PRKD1: variants seen among roughly 807,000 people sequenced by gnomAD.
The protein encoded by PRKD1 is protein kinase D1.
In PRKD1, 63 loss-of-function variants were observed where a neutral mutation model predicts 95.9. The ratio of observed to expected loss-of-function variants is 0.66; its 90% CI spans 0.54 to 0.81. The LOEUF (loss-of-function observed/expected upper bound fraction) is 0.81. PRKD1 is among the 30% of genes least tolerant of loss of function. The pLI is 0.00. For synonymous variants in PRKD1, 425 were observed against 423.1 expected (o/e 1.00, Z -0.05); for missense variants, 1,048 against 1,165.3 (o/e 0.90, Z 1.47).
At chr14:29,905,756 C>T (rs1282022305) in intron 1 of PRKD1, among the ~76,000 whole-genome samples, 1 of 152,110 alleles carries the variant, frequency 6.6e-6, no homozygotes, top group Non-Finnish European at 1.5e-5. Context: ...GCTTACAGCA[C>T]GCAACTGTTT....
At chr14:29,898,035 T>C (rs1477061965) in intron 1 of PRKD1, among the ~76,000 whole-genome samples, 2 of 152,086 alleles carry the variant, frequency 1.3e-5, no homozygotes, top group African/African-American at 2.4e-5. Context: ...ATCCTAAAAA[T>C]TACAAATTGT....
chr14:29,630,771 G>A lies in PRKD1; in HGVS notation c.1643C>T (p.Ser548Phe). The change falls in exon 10 of 18, where the codon TCC becomes TTC. Residue 548 changes from serine to phenylalanine, a missense_variant. Ser to Phe is a radical substitution (Grantham distance 155). This residue lies in a region of PRKD1 where 739 missense variants were observed against 861.9 expected (regional missense o/e 0.86). Coordinates refer to ENST00000331968, the MANE Select transcript of PRKD1 (RefSeq NM_002742.3). ...CAAGTTGGTTCCTGTACCCACGGAG[G>A]AGCCCTTGGGAATGACGGGCATAAG... ...HALMPVIPKG[S>F]SVGTGTNLHR... 6.2e-7 allele frequency: 1 copy of A among 1,614,058 alleles called. No homozygotes were observed. Among genetic ancestry groups the A allele is most frequent in the Non-Finnish European group, 8.5e-7 (1 of 1,179,970 alleles).
intron 1 of PRKD1, among the ~76,000 whole-genome samples, chr14:29,731,880 T>A (rs78493852): frequency 5.8e-4 from 88 of 151,782 alleles, no homozygotes; most frequent in Non-Finnish European, 1.1e-3. Context: ...TTTTTTTTTT[T>A]TTTTTTTTTT....
At chr14:29,648,071 C>T (rs946435120) in intron 4 of PRKD1, among the ~76,000 whole-genome samples, 4 of 152,168 alleles carry the variant, frequency 2.6e-5, no homozygotes, top group African/African-American at 9.7e-5. Context: ...AGAGACCTTA[C>T]AAAATATGTG....
intron 1 of PRKD1, among the ~76,000 whole-genome samples, chr14:29,805,226 C>T (rs1890187426): frequency 6.6e-6 from 1 of 152,214 alleles, no homozygotes; most frequent in Non-Finnish European, 1.5e-5. Context: ...AGATGTTGAA[C>T]TCCATTAGAT....
At chr14:29,739,590 G>A (rs1886893262) in intron 1 of PRKD1, among the ~76,000 whole-genome samples, 1 of 152,164 alleles carries the variant, frequency 6.6e-6, no homozygotes, top group African/African-American at 2.4e-5. Flanking sequence ...TTTTGAATGT[G>A]AAATGGCAGA....
intron 1 of PRKD1, among the ~76,000 whole-genome samples, chr14:29,873,128 C>G (rs533746207): frequency 6.6e-6 from 1 of 152,206 alleles, no homozygotes; most frequent in East Asian, 1.9e-4. Context: ...CTCTATCACC[C>G]AGGCTGGAGT....
intron 2 of PRKD1, among the ~76,000 whole-genome samples, chr14:29,710,290 T>A (rs571374914): frequency 2.4e-4 from 36 of 152,078 alleles, no homozygotes; most frequent in Non-Finnish European, 5.0e-4. Flanking sequence ...ATAGAAACTG[T>A]ACAGTGGAGA....
chr14:29,597,665 C>T lies in PRKD1; in HGVS notation c.2260G>A (p.Val754Ile), dbSNP rs1324185580. The change falls in exon 16 of 18, where the codon GTC (valine) becomes ATC (isoleucine). Residue 754 changes from valine to isoleucine, a missense_variant. Physicochemically the swap from Val to Ile is conservative, Grantham distance 29. This residue lies in a region of PRKD1 where 739 missense variants were observed against 861.9 expected (regional missense o/e 0.86). Transcript: ENST00000331968. ...VGTPAYLAPE[V>I]LRNKGYNRSL... The stretch of plus-strand genomic sequence containing the variant: ...CGATTGTAGCCCTTGTTCCTTAGGA[C>T]CTCAGGAGCCAGGTAAGCGGGGGTA... 6.2e-7 allele frequency: 1 copy of T among 1,613,876 alleles called. No homozygotes were observed.
intron 1 of PRKD1, among the ~76,000 whole-genome samples, chr14:29,873,573 C>G (rs1249900936): frequency 1.3e-5 from 2 of 152,100 alleles, no homozygotes; most frequent in East Asian, 3.8e-4. Flanking sequence ...ATTCAACATG[C>G]ATTTGTGAAC....
At chr14:29,699,423 G>C (rs760841807) in intron 2 of PRKD1, among the ~76,000 whole-genome samples, 1 of 151,842 alleles carries the variant, frequency 6.6e-6, no homozygotes, top group Non-Finnish European at 1.5e-5. Flanking sequence ...TTTCAATTGC[G>C]TATTCATCTT....
intron 1 of PRKD1, among the ~76,000 whole-genome samples, chr14:29,790,610 TAA>T (rs1380618504): frequency 6.6e-6 from 1 of 152,184 alleles, no homozygotes; most frequent in African/African-American, 2.4e-5. Flanking sequence ...CATATTTCTG[TAA>T]AGTTTTCTTC....
intron 1 of PRKD1, among the ~76,000 whole-genome samples, chr14:29,864,483 C>A (rs574698739): frequency 6.6e-6 from 1 of 152,110 alleles, no homozygotes; most frequent in African/African-American, 2.4e-5. Context: ...AATACCTATT[C>A]TTTCTATAGA....
intron 1 of PRKD1, among the ~76,000 whole-genome samples, chr14:29,726,188 G>C (rs1886133649): frequency 6.6e-6 from 1 of 152,062 alleles, no homozygotes. Flanking sequence ...GCATTATCTA[G>C]ATCCTTTGAT....
At chr14:29,647,082 C>CA (rs5807545) in intron 4 of PRKD1, among the ~76,000 whole-genome samples, 110 of 146,854 alleles carry the variant, frequency 7.5e-4, no homozygotes, top group African/African-American at 2.1e-3. Context: ...ACAGGGCAAG[C>CA]AAAAAAAAAA....
chr14:29,636,602 A>G, intron 6 of PRKD1, 108 bp from the exon 7 acceptor site: 4 of 1,084,466 alleles, frequency 3.7e-6, no homozygotes, highest in South Asian at 3.0e-5. Flanking sequence ...CCAAAGAGGT[A>G]GTTCTGTGAT....
At chr14:29,809,113 C>T (rs751990580) in intron 1 of PRKD1, among the ~76,000 whole-genome samples, 5 of 152,144 alleles carry the variant, frequency 3.3e-5, no homozygotes, top group East Asian at 1.9e-4. Context: ...GCATTGTCAA[C>T]GAAAAACAAT....
At chr14:29,774,559 T>C (rs752751015) in intron 1 of PRKD1, among the ~76,000 whole-genome samples, 16 of 152,198 alleles carry the variant, frequency 1.1e-4, no homozygotes, top group Non-Finnish European at 2.1e-4. Flanking sequence ...GTGGAAATAC[T>C]AAGGCATAGT....
At chr14:29,617,970 C>T (rs554160685) in intron 13 of PRKD1, among the ~76,000 whole-genome samples, 3 of 151,938 alleles carry the variant, frequency 2.0e-5, no homozygotes, top group Non-Finnish European at 4.4e-5. Flanking sequence ...CATCAAGAGG[C>T]TGAGGTGGGA....
Sources: allele counts gnomAD v4.1 joint callset (sites outside exome capture counted in the v4.1 genomes callset), GRCh38; gene constraint gnomAD v4.1.1; regional missense constraint gnomAD v4.1.1; transcripts MANE v1.5; gene names NCBI Gene and HGNC (gene_info 2026-07-23, HGNC 2026-07-21).